GRIN2B: variants seen among roughly 807,000 people sequenced by gnomAD.
The protein encoded by GRIN2B is glutamate ionotropic receptor NMDA type subunit 2B, also known as glutamate receptor ionotropic, NMDA 2B.
GRIN2B carries 5 observed loss-of-function variants against 114.5 expected under a neutral mutation model. The observed-to-expected ratio is 0.04, with a 90% CI of 0.02 to 0.09. The LOEUF (loss-of-function observed/expected upper bound fraction) is 0.09. GRIN2B is among the 10% of genes least tolerant of loss of function. The pLI, the probability that GRIN2B is intolerant of heterozygous loss-of-function variation, is 1.00. For missense variants in GRIN2B, 1,108 were observed against 1,943.5 expected, an observed-to-expected ratio of 0.57 and a Z score of 8.08; for synonymous variants, 787 against 745.1, an observed-to-expected ratio of 1.06 and a Z score of -0.92.
chr12:13,923,625 G>A (rs1866859332), intron 2 of GRIN2B, among the ~76,000 whole-genome samples: 1 of 152,108 alleles, frequency 6.6e-6, no homozygotes, highest in African/African-American at 2.4e-5. Flanking sequence ...AAGTGAATCA[G>A]GTTATCCAGG....
chr12:13,961,212 G>A (rs1200063303), intron 2 of GRIN2B, among the ~76,000 whole-genome samples: 3 of 152,122 alleles, frequency 2.0e-5, no homozygotes, highest in Admixed American at 1.3e-4. Context: ...GCAGGGGAGG[G>A]AAGGAAGGGA....
intron 2 of GRIN2B, among the ~76,000 whole-genome samples, chr12:13,912,582 A>T (rs1342968696): frequency 6.6e-6 from 1 of 151,982 alleles, no homozygotes; most frequent in East Asian, 1.9e-4. Context: ...GTGCGGATGT[A>T]GCCTTGCTCT....
At chr12:13,854,308 G>A (rs911633032) in intron 3 of GRIN2B, among the ~76,000 whole-genome samples, 9 of 152,100 alleles carry the variant, frequency 5.9e-5, no homozygotes, top group Non-Finnish European at 8.8e-5. Flanking sequence ...TCAGGAGTTC[G>A]AGACCAGCCT....
At chr12:13,610,629 A>G (rs1480923565) in intron 9 of GRIN2B, among the ~76,000 whole-genome samples, 1 of 152,254 alleles carries the variant, frequency 6.6e-6, no homozygotes, top group East Asian at 1.9e-4. Flanking sequence ...ATACTTCAGT[A>G]AAGTGTTGTT....
chr12:13,937,109 G>A (rs1180278171), intron 2 of GRIN2B, among the ~76,000 whole-genome samples: 2 of 112,914 alleles, frequency 1.8e-5, no homozygotes, highest in Non-Finnish European at 3.7e-5. Context: ...GGGGGGGGAA[G>A]ATTGAAGAAA....
In GRIN2B at chr12:13,564,785, T is replaced by C; in HGVS notation, c.2599-146A>G. The C allele has an allele frequency of 3.7e-6, 3 of 820,088 alleles. No individual in the cohort carries two copies. The highest frequency in any genetic ancestry group is 6.1e-6 in the Non-Finnish European group (3 of 488,614). The allele number at this position is 820,088 out of a possible 1,614,324, so 50.8% of individuals were successfully genotyped here. A position where few individuals can be genotyped will look rare whatever the true frequency, so the allele number is the denominator to read the frequency against. The stretch of plus-strand genomic sequence containing the variant: ...AGTCTAATATACTATTAGATGTGGC[T>C]AGAAGTTTGCCTAATTTATACCCCT... On this transcript the variant is annotated intron_variant, in intron 13 of 13. Coordinates refer to ENST00000609686, the MANE Select transcript of GRIN2B (RefSeq NM_000834.5). The surrounding 1 kb of genome is among the most constrained non-coding windows in gnomAD (Gnocchi z 4.8).
chr12:13,856,945 A>G (rs1865672154), intron 3 of GRIN2B, among the ~76,000 whole-genome samples: 1 of 152,194 alleles, frequency 6.6e-6, no homozygotes, highest in Non-Finnish European at 1.5e-5. Flanking sequence ...TAAATTCTAT[A>G]CATTCTCATT....
intron 3 of GRIN2B, among the ~76,000 whole-genome samples, chr12:13,762,871 G>C (rs1415720516): frequency 6.6e-6 from 1 of 151,640 alleles, no homozygotes; most frequent in Non-Finnish European, 1.5e-5. Flanking sequence ...AGTTTTCTGA[G>C]AAAGTTTTTT....
At chr12:13,721,653 C>T (rs1246786069) in intron 4 of GRIN2B, among the ~76,000 whole-genome samples, 7 of 151,918 alleles carry the variant, frequency 4.6e-5, no homozygotes, top group South Asian at 2.1e-4. Flanking sequence ...TCACAGACAC[C>T]GTTCGGAAAT....
rs1277678719 is a variant in GRIN2B, at chr12:13,557,412, A to G, written c.*5371T>C. 6 of 152,236 alleles carry G rather than the reference A, an allele frequency of 3.9e-5. No individual in the cohort carries two copies. The highest frequency in any genetic ancestry group is 9.7e-5 in the African/African-American group (4 of 41,450). The allele number at this position is 152,236 out of a possible 1,614,324, so 9.4% of individuals were successfully genotyped here. On this transcript the variant is annotated 3_prime_UTR_variant, in exon 14 of 14. Transcript: ENST00000609686. ...GATATAGACCAACTCAGCTAATTGG[A>G]AGATTAATTAAACTGGGACAGAAAC...
intron 3 of GRIN2B, among the ~76,000 whole-genome samples, chr12:13,755,258 C>CATTTCTTCAGCACCCCTTATTGAAAAA (rs1308866088): frequency 2.0e-5 from 3 of 152,178 alleles, no homozygotes; most frequent in African/African-American, 7.2e-5. Flanking sequence ...AATTGCTGAG[C>CATTTCTTCAGCACCCCTTATTGAAAAA]ATTTCTTCAG....
chr12:13,739,003 G>A (rs894073465), intron 4 of GRIN2B, among the ~76,000 whole-genome samples: 7 of 152,108 alleles, frequency 4.6e-5, no homozygotes, highest in South Asian at 4.1e-4. Context: ...AAGACAGCAC[G>A]GGAGGAAGTC....
intron 5 of GRIN2B, among the ~76,000 whole-genome samples, chr12:13,640,407 T>C (rs1364373038): frequency 6.6e-6 from 1 of 152,168 alleles, no homozygotes; most frequent in Non-Finnish European, 1.5e-5. Context: ...ATACTGCCCC[T>C]TGCCCTGCTA....
At chr12:13,881,469 G>C (rs1291379202) in intron 2 of GRIN2B, among the ~76,000 whole-genome samples, 3 of 152,076 alleles carry the variant, frequency 2.0e-5, no homozygotes, top group Non-Finnish European at 4.4e-5. Flanking sequence ...TCCCCCAACT[G>C]AGTCAGTGAC....
chr12:13,573,584 T>C (rs1948734431), intron 10 of GRIN2B, among the ~76,000 whole-genome samples: 1 of 125,506 alleles, frequency 8.0e-6, no homozygotes, highest in African/African-American at 3.1e-5. Context: ...ATTCTATTAG[T>C]ACAGCAATGA....
chr12:13,869,241 CTTTT>C (rs377460231), intron 2 of GRIN2B, among the ~76,000 whole-genome samples: 8 of 127,368 alleles, frequency 6.3e-5, no homozygotes, highest in African/African-American at 1.2e-4. Flanking sequence ...CTTTTTTTTT[CTTTT>C]TTTTTTTTTT....
chr12:13,723,398 C>A (rs528416775), intron 4 of GRIN2B, among the ~76,000 whole-genome samples: 1 of 151,798 alleles, frequency 6.6e-6, no homozygotes, highest in African/African-American at 2.4e-5. Context: ...AATGCTCAAC[C>A]AGATAATGTA....
At chr12:13,591,613 C>A (rs1353367181) in intron 10 of GRIN2B, among the ~76,000 whole-genome samples, 1 of 152,086 alleles carries the variant, frequency 6.6e-6, no homozygotes, top group Non-Finnish European at 1.5e-5. Flanking sequence ...GCAAATGAGT[C>A]AAAGAATGTA....
At chr12:13,776,808 G>C (rs927393546) in intron 3 of GRIN2B, among the ~76,000 whole-genome samples, 1 of 152,092 alleles carries the variant, frequency 6.6e-6, no homozygotes, top group Non-Finnish European at 1.5e-5. Context: ...GATTATCAAA[G>C]CAAGGCAAAG....
Sources: allele counts gnomAD v4.1 joint callset (sites outside exome capture counted in the v4.1 genomes callset), GRCh38; gene constraint gnomAD v4.1.1; non-coding constraint Gnocchi (gnomAD v3.1); transcripts MANE v1.5; gene names NCBI Gene and HGNC (gene_info 2026-07-23, HGNC 2026-07-21).